NUBPL: variants seen among roughly 807,000 people sequenced by gnomAD.
NUBPL encodes the protein iron-sulfur cluster transfer protein NUBPL.
A neutral mutation model predicts 45.7 loss-of-function variants in NUBPL; 31 were observed. The observed-to-expected ratio is 0.68, with a 90% confidence interval of 0.51 to 0.92. The LOEUF (loss-of-function observed/expected upper bound fraction) is 0.92. Ranked by LOEUF, NUBPL falls within the 40% of genes least tolerant of loss-of-function variation. NUBPL has a pLI of 0.00. For synonymous variants in NUBPL, 144 were observed against 140.9 expected, an observed-to-expected ratio of 1.02 and a Z score of -0.15; for missense variants, 401 against 398.7, an observed-to-expected ratio of 1.01 and a Z score of -0.05.
chr14:31,813,574 A>G (rs1045998094), intron 7 of NUBPL, among the ~76,000 whole-genome samples: 6 of 152,180 alleles, frequency 3.9e-5, no homozygotes, highest in African/African-American at 1.4e-4. Flanking sequence ...CCTGGGATAC[A>G]TGTGCAGAAC....
chr14:31,565,322 A>G (rs2033408347), intron 3 of NUBPL, among the ~76,000 whole-genome samples: 1 of 152,166 alleles, frequency 6.6e-6, no homozygotes, highest in African/African-American at 2.4e-5. Flanking sequence ...TGATTTACAG[A>G]AGCATTATTC....
intron 7 of NUBPL, among the ~76,000 whole-genome samples, chr14:31,811,533 G>T (rs2039805611): frequency 6.6e-6 from 1 of 152,028 alleles, no homozygotes. Context: ...CTTTTTCAAG[G>T]TTTTTAGCTT....
chr14:31,683,898 G>T (rs1203792561), intron 6 of NUBPL, among the ~76,000 whole-genome samples: 1 of 152,084 alleles, frequency 6.6e-6, no homozygotes, highest in African/African-American at 2.4e-5. Context: ...AGTCTTAAAT[G>T]ATGTTCCACT....
intron 10 of NUBPL, among the ~76,000 whole-genome samples, chr14:31,850,948 AT>A (rs1295801372): frequency 1.3e-5 from 2 of 152,284 alleles, no homozygotes; most frequent in East Asian, 3.9e-4. Flanking sequence ...CATTGCATTT[AT>A]TTTAATAAAT....
chr14:31,568,966 G>A (rs532846811), intron 3 of NUBPL, among the ~76,000 whole-genome samples: 2 of 152,214 alleles, frequency 1.3e-5, no homozygotes, highest in Non-Finnish European at 2.9e-5. Flanking sequence ...TTTAATATTT[G>A]TTTGTATATA....
intron 6 of NUBPL, among the ~76,000 whole-genome samples, chr14:31,692,702 A>G (rs2139867044): frequency 6.6e-6 from 1 of 152,364 alleles, no homozygotes; most frequent in Middle Eastern, 3.4e-3. Flanking sequence ...TGACAATGGA[A>G]TTTCACTTTT....
At chr14:31,747,093 A>C (rs1371900307) in intron 6 of NUBPL, among the ~76,000 whole-genome samples, 1 of 143,604 alleles carries the variant, frequency 7.0e-6, no homozygotes, top group Non-Finnish European at 1.5e-5. Flanking sequence ...AAAAAAAAAA[A>C]GAGTTTGATA....
chr14:31,606,583 C>G (rs539051637), intron 4 of NUBPL, among the ~76,000 whole-genome samples: 1 of 152,140 alleles, frequency 6.6e-6, no homozygotes, highest in East Asian at 1.9e-4. Flanking sequence ...ATTTGCTGCT[C>G]GGCTTGTGGA....
At chr14:31,802,229 T>C (rs2039604083) in intron 7 of NUBPL, among the ~76,000 whole-genome samples, 1 of 152,046 alleles carries the variant, frequency 6.6e-6, no homozygotes, top group Non-Finnish European at 1.5e-5. Context: ...CAAGTTTAAC[T>C]TATTCTTAAG....
intron 6 of NUBPL, among the ~76,000 whole-genome samples, chr14:31,766,718 C>T (rs1004904183): frequency 6.6e-6 from 1 of 152,154 alleles, no homozygotes. Context: ...CCCCAAAAGC[C>T]AGTGAGATCA....
intron 6 of NUBPL, among the ~76,000 whole-genome samples, chr14:31,707,090 A>AGTTCCTGTCCTGTAG (rs2037469392): frequency 5.3e-5 from 8 of 152,204 alleles, no homozygotes; most frequent in Admixed American, 5.2e-4. Context: ...ATCGCCTGGG[A>AGTTCCTGTCCTGTAG]GGAACCATCT....
At chr14:31,791,790 G>A (rs1408902813) in intron 7 of NUBPL, among the ~76,000 whole-genome samples, 1 of 152,108 alleles carries the variant, frequency 6.6e-6, no homozygotes, top group African/African-American at 2.4e-5. Flanking sequence ...ATGATACATT[G>A]TAGAACATTC....
intron 6 of NUBPL, among the ~76,000 whole-genome samples, chr14:31,710,280 CT>C (rs2037541240): frequency 6.6e-6 from 1 of 152,176 alleles, no homozygotes; most frequent in South Asian, 2.1e-4. Context: ...GTTTCTCCCC[CT>C]GCCCAAGAAC....
At chr14:31,841,077 T>G (rs1420857748) in intron 8 of NUBPL, among the ~76,000 whole-genome samples, 12 of 152,260 alleles carry the variant, frequency 7.9e-5, no homozygotes, top group Admixed American at 7.2e-4. Flanking sequence ...ATATCACAGT[T>G]TGTCCATTTT....
At chr14:31,768,145 T>C (rs1595603771) in intron 6 of NUBPL, among the ~76,000 whole-genome samples, 1 of 152,222 alleles carries the variant, frequency 6.6e-6, no homozygotes, top group East Asian at 1.9e-4. Flanking sequence ...ACCCATCTTT[T>C]CAATGGGTGG....
intron 8 of NUBPL, among the ~76,000 whole-genome samples, chr14:31,829,960 A>T (rs2040163861): frequency 6.6e-6 from 1 of 152,086 alleles, no homozygotes. Context: ...AATAATGAGT[A>T]ATTTATGTGT....
chr14:31,643,077 G>A (rs949047272), intron 4 of NUBPL, among the ~76,000 whole-genome samples: 1 of 151,878 alleles, frequency 6.6e-6, no homozygotes, highest in Non-Finnish European at 1.5e-5. Flanking sequence ...GCTTTTCTAT[G>A]TATAATATCA....
intron 6 of NUBPL, among the ~76,000 whole-genome samples, chr14:31,725,099 G>A (rs1322189879): frequency 6.6e-6 from 1 of 152,054 alleles, no homozygotes; most frequent in Non-Finnish European, 1.5e-5. Context: ...TAGTAAAAGG[G>A]ACATGATTTG....
intron 7 of NUBPL, among the ~76,000 whole-genome samples, chr14:31,818,436 T>G (rs1239873043): frequency 6.6e-6 from 1 of 152,244 alleles, no homozygotes; most frequent in Non-Finnish European, 1.5e-5. Context: ...CACCAGTATC[T>G]TTGTTTTTTT....
Sources: gnomAD v4.1 joint callset for allele counts (sites outside exome capture counted in the v4.1 genomes callset) on GRCh38, gnomAD v4.1.1 for gene constraint, MANE v1.5 for transcripts, NCBI Gene and HGNC (gene_info 2026-07-23, HGNC 2026-07-21) for gene names.